Variants in CLPB observed in about 807,000 individuals in gnomAD.
CLPB encodes mitochondrial disaggregase.
In CLPB, 40 loss-of-function variants were observed where a neutral mutation model predicts 78.4. The ratio of observed to expected loss-of-function variants is 0.51; its 90% CI spans 0.40 to 0.66. The LOEUF (loss-of-function observed/expected upper bound fraction) is 0.66, where lower values mean the gene tolerates loss of function less well. CLPB is among the 30% of genes least tolerant of loss of function. The pLI, the probability that CLPB is intolerant of heterozygous loss-of-function variation, is 0.00. For missense variants in CLPB, 780 were observed against 886.9 expected (o/e 0.88, Z 1.53); for synonymous variants, 333 against 348.0 (o/e 0.96, Z 0.48).
chr11:72,302,755 C>T (rs1035578656), intron 9 of CLPB: 2 of 252,786 alleles, frequency 7.9e-6, no homozygotes, highest in Non-Finnish European at 1.6e-5. Context: ...AGCACCCCAT[C>T]GAATGGTGCA....
chr11:72,302,045 T>G, intron 10 of CLPB, 81 bp from the exon 11 acceptor site: 1 of 1,490,870 alleles, frequency 6.7e-7, no homozygotes, highest in Non-Finnish European at 9.2e-7. Context: ...GGAAGATGAC[T>G]TTATACGCTA....
chr11:72,399,486 T>C (rs952982970), intron 3 of CLPB, among the ~76,000 whole-genome samples: 1 of 152,216 alleles, frequency 6.6e-6, no homozygotes, highest in East Asian at 1.9e-4. Flanking sequence ...AATTAAATTA[T>C]TGTGCATATT....
intron 3 of CLPB, among the ~76,000 whole-genome samples, chr11:72,385,813 C>T (rs368131869): frequency 8.5e-5 from 13 of 152,140 alleles, no homozygotes; most frequent in African/African-American, 1.9e-4. Context: ...CACAGCAAGA[C>T]GCCGTCTCAA....
At chr11:72,293,722 A>G in intron 15 of CLPB, 107 bp from the exon 16 acceptor site, 2 of 1,358,216 alleles carry the variant, frequency 1.5e-6, no homozygotes, top group Non-Finnish European at 2.0e-6. Context: ...TTTGAGCCTG[A>G]GCCTCAGCTT....
At chr11:72,407,246 T>C (rs562422521) in intron 2 of CLPB, among the ~76,000 whole-genome samples, 1 of 152,340 alleles carries the variant, frequency 6.6e-6, no homozygotes, top group Admixed American at 6.5e-5. Flanking sequence ...GCCAAGGTCC[T>C]CTTCTGAATA....
At chr11:72,397,436 T>C (rs1180521835) in intron 3 of CLPB, among the ~76,000 whole-genome samples, 2 of 152,258 alleles carry the variant, frequency 1.3e-5, no homozygotes, top group Non-Finnish European at 2.9e-5. Flanking sequence ...ACTTTACCTT[T>C]ATAAGAAACT....
chr11:72,389,086 A>T (rs952916913), intron 3 of CLPB, among the ~76,000 whole-genome samples: 3 of 152,232 alleles, frequency 2.0e-5, no homozygotes, highest in Non-Finnish European at 4.4e-5. Context: ...CAAGGATTAC[A>T]CTGGTACCAG....
At chr11:72,420,512 C>A (rs1364345534) in intron 2 of CLPB, among the ~76,000 whole-genome samples, 1 of 151,374 alleles carries the variant, frequency 6.6e-6, no homozygotes, top group African/African-American at 2.4e-5. Flanking sequence ...AAAAAAAAAA[C>A]TTTCAATAAT....
intron 3 of CLPB, 115 bp from the exon 4 acceptor site, chr11:72,380,499 C>T (rs1448967506): frequency 1.1e-5 from 8 of 755,336 alleles, no homozygotes; most frequent in African/African-American, 3.5e-5. Flanking sequence ...GTGAGTGATA[C>T]GGTGGGAAAA....
rs1231670885 is a variant in CLPB at position 72,286,256 on chromosome 11, G to A, written c.*7111C>T. 1.0e-4 allele frequency: 5 copies of A among 49,420 alleles called. No individual in the cohort carries two copies. Among genetic ancestry groups the A allele is most frequent in the African/African-American group, 3.8e-4 (5 of 13,056 alleles). 3.1% of individuals were successfully genotyped at this position (49,420 alleles called of 1,614,324 possible). ...TTTTTTTTTTTTTTTTAAGAGATAG[G>A]GTGTCACTCTGCCACCCAGCCTGGA... On this transcript the variant is annotated 3_prime_UTR_variant, in exon 16 of 16. Transcript: ENST00000538039.
rs142277108 is a variant in CLPB at position 72,292,367 on chromosome 11, C to T, written c.*1000G>A. On this transcript the variant is annotated 3_prime_UTR_variant, in exon 16 of 16. Transcript: ENST00000538039. ...CCTTACTGTGCCTGGCTAAGGTGGG[C>T]TTGAAACATTGGCTGGTCTGTGAAA... 1.0e-4 allele frequency: 16 copies of T among 152,386 alleles called. No homozygotes were observed. The highest frequency in any genetic ancestry group is 3.8e-4 in the African/African-American group (16 of 41,564). The allele number at this position is 152,386 out of a possible 1,614,324, so 9.4% of individuals were successfully genotyped here. A position where few individuals can be genotyped will look rare whatever the true frequency, so the allele number is the denominator to read the frequency against.
At chr11:72,424,424 T>C (rs1030844735) in intron 2 of CLPB, among the ~76,000 whole-genome samples, 1 of 152,200 alleles carries the variant, frequency 6.6e-6, no homozygotes, top group African/African-American at 2.4e-5. Flanking sequence ...AGCCAAACAA[T>C]AGCTTGTTAT....
chr11:72,396,990 T>C (rs752704544), intron 3 of CLPB, among the ~76,000 whole-genome samples: 1 of 152,194 alleles, frequency 6.6e-6, no homozygotes, highest in Non-Finnish European at 1.5e-5. Context: ...ATTTTGATAA[T>C]TATATACATT....
chr11:72,413,033 A>G (rs1855921928), intron 2 of CLPB, among the ~76,000 whole-genome samples: 1 of 152,206 alleles, frequency 6.6e-6, no homozygotes, highest in African/African-American at 2.4e-5. Flanking sequence ...TCAGGCCTGT[A>G]ATCCCAGCAC....
intron 7 of CLPB, 45 bp from the exon 8 acceptor site, chr11:72,308,649 T>A (rs779348217): frequency 1.3e-6 from 2 of 1,520,964 alleles, no homozygotes; most frequent in Non-Finnish European, 1.8e-6. Context: ...GGGAGGCAGA[T>A]AAATCAATGA....
Position 72,292,752 on chromosome 11 carries a change from G to A in CLPB, c.*615C>T, listed in dbSNP as rs1210700601. ...ACATGGTCTGGCCTGACCCCAGGACGTGGGGTGAGGAGGAACACTGGGCAT... is the reference window on the plus strand; with the variant it reads ...ACATGGTCTGGCCTGACCCCAGGACATGGGGTGAGGAGGAACACTGGGCAT... On this transcript the variant is annotated 3_prime_UTR_variant, in exon 16 of 16. Transcript: ENST00000538039. 11 of 153,072 alleles carry A rather than the reference G, an allele frequency of 7.2e-5. No individual in the cohort carries two copies. The highest frequency in any genetic ancestry group is 1.5e-4 in the Non-Finnish European group (10 of 68,736). 9.5% of individuals were successfully genotyped at this position (153,072 alleles called of 1,614,324 possible). A position where few individuals can be genotyped will look rare whatever the true frequency, so the allele number is the denominator to read the frequency against.
chr11:72,411,276 C>T (rs1855869295), intron 2 of CLPB, among the ~76,000 whole-genome samples: 1 of 152,190 alleles, frequency 6.6e-6, no homozygotes, highest in South Asian at 2.1e-4. Flanking sequence ...GTAAGCTTGT[C>T]TTTTTCGAAG....
chr11:72,319,691 T>G (rs982157160), intron 6 of CLPB, among the ~76,000 whole-genome samples: 12 of 152,114 alleles, frequency 7.9e-5, no homozygotes, highest in Admixed American at 6.5e-5. Context: ...TGCCACAAGG[T>G]GAGGATTAAA....
intron 5 of CLPB, among the ~76,000 whole-genome samples, chr11:72,335,402 C>T (rs192985564): frequency 4.6e-5 from 7 of 152,314 alleles, no homozygotes; most frequent in Admixed American, 3.9e-4. Context: ...GGTGGTCACT[C>T]GGGCTCCTCT....
Sources: allele counts gnomAD v4.1 joint callset (sites outside exome capture counted in the v4.1 genomes callset), GRCh38; gene constraint gnomAD v4.1.1; transcripts MANE v1.5; gene names NCBI Gene and HGNC (gene_info 2026-07-23, HGNC 2026-07-21).